HDAC5: variants seen among roughly 807,000 people sequenced by gnomAD.
HDAC5 encodes the protein antigen NY-CO-9.
A neutral mutation model predicts 133.3 loss-of-function variants in HDAC5; 25 were observed. That is an observed-to-expected ratio of 0.19 (90% CI 0.14 to 0.26). The LOEUF is 0.26. Ranked by LOEUF, HDAC5 falls within the 10% of genes least tolerant of loss-of-function variation. The pLI, the probability that HDAC5 is intolerant of heterozygous loss-of-function variation, is 1.00. For missense variants in HDAC5, 1,041 were observed against 1,460.5 expected, an observed-to-expected ratio of 0.71 and a Z score of 4.68; for synonymous variants, 589 against 610.8, an observed-to-expected ratio of 0.96 and a Z score of 0.53.
Position 44,080,824 on chromosome 17 carries a change from T to A in HDAC5, c.2666A>T (p.Tyr889Phe), listed in dbSNP as rs773664432. The change falls in exon 21 of 27, where the codon TAC becomes TTC. Residue 889 changes from tyrosine (Y) to phenylalanine (F), a missense_variant. Physicochemically the swap from Tyr to Phe is conservative, Grantham distance 22 (BLOSUM62 3). Coordinates refer to ENST00000682912, the MANE Select transcript of HDAC5 (RefSeq NM_005474.5). The stretch of plus-strand genomic sequence containing the variant: ...GTTGTCATAGCGATGCAGAGAGATG[T>A]AGAGCACAGAGGGGTCATTGTAGAA... ...QAFYNDPSVL[Y>F]ISLHRYDNGN... is the part of the protein sequence containing the mutation. The A allele has an allele frequency of 6.2e-7, 1 of 1,614,186 alleles. No individual in the cohort carries two copies. Among genetic ancestry groups the A allele is most frequent in the Non-Finnish European group, 8.5e-7 (1 of 1,180,018 alleles).
In HDAC5 at chr17:44,092,760, C is replaced by A. The variant is rs775168585; in HGVS notation, c.688G>T (p.Gly230Cys). Residue 230 changes from glycine (G) to cysteine (C), a missense_variant, in exon 7 of 27, where the codon GGC (glycine) becomes TGC (cysteine). Physicochemically the swap from Gly to Cys is radical, Grantham distance 159. Around this residue, in one of 9 missense-constraint regions of HDAC5, gnomAD observed 56 missense variants for 41.3 expected, o/e 1.36. Coordinates refer to ENST00000682912, the MANE Select transcript of HDAC5 (RefSeq NM_005474.5). ...SLDQSSPPQSGPPGTPPSYKL... is the reference protein window; with the variant it reads ...SLDQSSPPQSCPPGTPPSYKL... ...TAGGAGGGAGGCGTCCCAGGGGGGC[C>A]GCTCTGGGGAGGGGAACTCTGGTCC... The A allele has an allele frequency of 7.4e-7, 1 of 1,357,136 alleles. No homozygotes were observed. The highest frequency in any genetic ancestry group is 9.8e-7 in the Non-Finnish European group (1 of 1,018,324). The allele number at this position is 1,357,136 out of a possible 1,614,324, so 84.1% of individuals were successfully genotyped here.
At chr17:44,110,473 C>T (rs889740881) in intron 3 of HDAC5, among the ~76,000 whole-genome samples, 10 of 152,174 alleles carry the variant, frequency 6.6e-5, no homozygotes, top group Non-Finnish European at 7.3e-5. Context: ...CAGTGGATGC[C>T]GACCCTGCCA....
In HDAC5 at chr17:44,078,035, C is replaced by CG. The variant is rs907871083; in HGVS notation, c.*340dup. Reference sequence around the variant, plus strand: ...ACCGACTTCCCGTTCCCTCCTCACTCGGGGGGCCCCAGAACTGGAGAGTAC... The same window carrying CG: ...ACCGACTTCCCGTTCCCTCCTCACTCGGGGGGGCCCCAGAACTGGAGAGTAC... On this transcript the variant is annotated 3_prime_UTR_variant, in exon 27 of 27. Transcript: ENST00000682912. 4.5e-5 allele frequency: 11 copies of CG among 244,072 alleles called. No individual in the cohort carries two copies. The highest frequency in any genetic ancestry group is 1.8e-4 in the African/African-American group (8 of 44,754). The allele number at this position is 244,072 out of a possible 1,614,324, so 15.1% of individuals were successfully genotyped here.
In HDAC5 at chr17:44,092,822, G is replaced by A. The variant is rs1433076732; in HGVS notation, c.642-16C>T. ...GTGGGCTCCCCTGGGGTGGGGGGGG[G>A]GTGGGGATGGAAGCAGATCTAGGTT... On this transcript the variant is annotated splice_polypyrimidine_tract_variant and intron_variant, in intron 6 of 26. Coordinates refer to ENST00000682912, the MANE Select transcript of HDAC5 (RefSeq NM_005474.5). 3 of 828,308 alleles carry A rather than the reference G, an allele frequency of 3.6e-6. No individual in the cohort carries two copies. The highest frequency in any genetic ancestry group is 2.7e-5 in the Admixed American group (1 of 36,630). 51.3% of individuals were successfully genotyped at this position (828,308 alleles called of 1,614,324 possible). A position where few individuals can be genotyped will look rare whatever the true frequency, so the allele number is the denominator to read the frequency against.
chr17:44,122,959 G>A (rs2053102483), intron 1 of HDAC5, among the ~76,000 whole-genome samples: 1 of 152,238 alleles, frequency 6.6e-6, no homozygotes. Flanking sequence ...TAATGGGAGA[G>A]AGAAGTAAGG....
In HDAC5 at chr17:44,084,612, G is replaced by A; in HGVS notation, c.2248C>T (p.Leu750=). 1 of 1,614,156 alleles carries A rather than the reference G, an allele frequency of 6.2e-7. No homozygotes were observed. The highest frequency in any genetic ancestry group is 2.2e-5 in the East Asian group (1 of 44,886). Residue 750 remains leucine, a synonymous_variant, in exon 16 of 27, where the codon CTG becomes TTG. Transcript: ENST00000682912. ...TTGAGGGGACTGGTCCCATAGAGCA[G>A]GGTGTGGTATTCAGAGTGCACTGTC... ...IQTVHSEYHT[L]LYGTSPLNRQ...
At chr17:44,082,560 C>T in intron 20 of HDAC5, 25 bp downstream of exon 20, 10 of 1,588,778 alleles carry the variant, frequency 6.3e-6, no homozygotes, top group Non-Finnish European at 8.6e-6. Flanking sequence ...CCGCCCCTGC[C>T]CAGCCCCACC....
At chr17:44,121,481 G>A (rs2053000287) in intron 1 of HDAC5, among the ~76,000 whole-genome samples, 1 of 141,808 alleles carries the variant, frequency 7.1e-6, no homozygotes, top group African/African-American at 2.7e-5. Flanking sequence ...TAGCAGGCTG[G>A]CTGAGCCTAA....
chr17:44,094,561 C>T (rs1204613744), intron 3 of HDAC5, among the ~76,000 whole-genome samples: 1 of 152,008 alleles, frequency 6.6e-6, no homozygotes, highest in Non-Finnish European at 1.5e-5. Context: ...CGCTTGAACC[C>T]TGGAGGTGGA....
At chr17:44,091,599 A>C in intron 10 of HDAC5, 101 bp downstream of exon 10, 1 of 1,493,552 alleles carries the variant, frequency 6.7e-7, no homozygotes, top group East Asian at 2.3e-5. Context: ...GGGCCAACAG[A>C]TCTCCCTTAG....
intron 3 of HDAC5, among the ~76,000 whole-genome samples, chr17:44,108,820 G>A (rs1207404899): frequency 6.8e-6 from 1 of 147,804 alleles, no homozygotes; most frequent in Non-Finnish European, 1.5e-5. Flanking sequence ...TCTGTCCCTA[G>A]CCGCGTCACA....
chr17:44,114,423 C>T (rs2052524009), intron 2 of HDAC5, among the ~76,000 whole-genome samples: 1 of 151,202 alleles, frequency 6.6e-6, no homozygotes, highest in African/African-American at 2.5e-5. Flanking sequence ...CTCTGGTCAC[C>T]CAGAGAGCAG....
At chr17:44,088,047 C>T (rs1420374313) in intron 12 of HDAC5, among the ~76,000 whole-genome samples, 1 of 152,108 alleles carries the variant, frequency 6.6e-6, no homozygotes, top group East Asian at 1.9e-4. Flanking sequence ...TCGCTCTTCT[C>T]ACCCAGGCTG....
intron 1 of HDAC5, among the ~76,000 whole-genome samples, chr17:44,118,608 CCA>C (rs2052795049): frequency 3.3e-5 from 5 of 152,160 alleles, no homozygotes; most frequent in Admixed American, 3.3e-4. Flanking sequence ...CAGTTCTCCC[CCA>C]CAGTTAGTCC....
At chr17:44,116,980 C>T (rs1408808869) in intron 2 of HDAC5, among the ~76,000 whole-genome samples, 6 of 152,222 alleles carry the variant, frequency 3.9e-5, no homozygotes, top group Non-Finnish European at 5.9e-5. Flanking sequence ...CGTCACCCCA[C>T]TCCCACCCAA....
chr17:44,111,997 TG>T (rs932498034), intron 2 of HDAC5, among the ~76,000 whole-genome samples: 2 of 152,148 alleles, frequency 1.3e-5, no homozygotes, highest in African/African-American at 4.8e-5. Context: ...TAATTCTGCG[TG>T]GTGACCTTGG....
At position 44,088,538 on chromosome 17, in the gene HDAC5, G is replaced by A. The variant is rs781646746; in HGVS notation, c.1448C>T (p.Thr483Met). Residue 483 changes from threonine to methionine, a missense_variant, in exon 12 of 27, where the codon ACG becomes ATG. By Grantham distance (81) the Thr-to-Met change is moderately conservative. Around this residue, in one of 9 missense-constraint regions of HDAC5, gnomAD observed 433 missense variants for 531.6 expected, o/e 0.81. Transcript: ENST00000682912. Reference sequence around the variant, plus strand: ...CCGATGCCGCGGGAGCTTGCCTACCGTCCGCATGCTGGTGGCCACACGTTC... The same window carrying A: ...CCGATGCCGCGGGAGCTTGCCTACCATCCGCATGCTGGTGGCCACACGTTC... ...TGERVATSMR[T>M]VGKLPRHRPL... 5.1e-5 allele frequency: 82 copies of A among 1,613,366 alleles called. No homozygotes were observed. The highest frequency in any genetic ancestry group is 4.9e-4 in the Middle Eastern group (3 of 6,084).
chr17:44,083,163 G>A (rs542479777), intron 18 of HDAC5, among the ~76,000 whole-genome samples: 4 of 151,930 alleles, frequency 2.6e-5, no homozygotes, highest in African/African-American at 4.8e-5. Flanking sequence ...TAGAGACAGC[G>A]TTTTACTATG....
rs1287033409 is a variant in HDAC5 at position 44,093,416 on chromosome 17, C to G, written c.424G>C (p.Glu142Gln). ...TGCTGCTCCCGCTGCCGCTGCTGCT[C>G]CAGCTCCTGCTGCCGCTTGGCTGCC... ...MLAAKRQQELEQQRQREQQRQ... is the reference protein window; with the variant it reads ...MLAAKRQQELQQQRQREQQRQ... The change falls in exon 5 of 27, where the codon GAG becomes CAG. Residue 142 changes from glutamate to glutamine, a missense_variant. Physicochemically the swap from Glu to Gln is conservative, Grantham distance 29 (BLOSUM62 2). Transcript: ENST00000682912. The G allele has an allele frequency of 3.1e-6, 5 of 1,598,568 alleles. No homozygotes were observed. Among genetic ancestry groups the G allele is most frequent in the Non-Finnish European group, 8.5e-7 (1 of 1,174,398 alleles).
Sources: gnomAD v4.1 joint callset for allele counts (sites outside exome capture counted in the v4.1 genomes callset) on GRCh38, gnomAD v4.1.1 for gene constraint, gnomAD v4.1.1 regional missense constraint, MANE v1.5 for transcripts, NCBI Gene and HGNC (gene_info 2026-07-23, HGNC 2026-07-21) for gene names.